The following SS18L2 variants were observed in gnomAD, a reference collection of about 807,000 sequenced individuals.
SS18L2 encodes the protein SS18 like 2, also known as SS18-like protein 2.
In SS18L2, 8 loss-of-function variants were observed where a neutral mutation model predicts 10.3. The observed-to-expected ratio is 0.78, with a 90% CI of 0.46 to 1.41. The LOEUF is 1.41. Ranked by LOEUF, SS18L2 falls within the 40% of genes most tolerant of loss-of-function variation. The pLI, the probability that SS18L2 is intolerant of heterozygous loss-of-function variation, is 0.00. For missense variants in SS18L2, 100 were observed against 96.2 expected (o/e 1.04, Z -0.17); for synonymous variants, 41 against 34.6 (o/e 1.19, Z -0.65).
At chr3:42,590,124 A>G (rs1559535942), upstream of SS18L2, among the ~76,000 whole-genome samples, 1 of 152,218 alleles carries the variant, frequency 6.6e-6, no homozygotes, top group Non-Finnish European at 1.5e-5. Flanking sequence ...TTCCTGCCCC[A>G]AATAAGTCCA....
Position 42,595,134 on chromosome 3 carries a change from A to G in SS18L2, c.*625A>G, listed in dbSNP as rs950963281. The G allele has an allele frequency of 6.6e-5, 10 of 152,186 alleles. No homozygotes were observed. Among genetic ancestry groups the G allele is most frequent in the African/African-American group, 2.2e-4 (9 of 41,468 alleles). The allele number at this position is 152,186 out of a possible 1,614,324, so 9.4% of individuals were successfully genotyped here. On this transcript the variant is annotated 3_prime_UTR_variant, in exon 3 of 3. Transcript: ENST00000011691. The stretch of plus-strand genomic sequence containing the variant: ...ACAAAATGAATAGTGATTTCTAATT[A>G]TTATCTAATATCATCTGATAATAGA...
upstream of SS18L2, among the ~76,000 whole-genome samples, chr3:42,589,407 G>C (rs549965098): frequency 3.5e-4 from 53 of 152,316 alleles, no homozygotes; most frequent in Non-Finnish European, 7.1e-4. Context: ...AAGCTCTAGG[G>C]ACCTCCCCTT....
intron 1 of SS18L2, among the ~76,000 whole-genome samples, chr3:42,582,781 T>C (rs1704466011): frequency 6.6e-6 from 1 of 152,084 alleles, no homozygotes; most frequent in African/African-American, 2.4e-5. Context: ...AGGAAGTGTG[T>C]TTCAGATGGA....
intron 1 of SS18L2, chr3:42,582,243 G>A (rs1553649599): frequency 6.6e-6 from 1 of 152,276 alleles, no homozygotes; most frequent in Non-Finnish European, 1.5e-5. Context: ...GAGGTGAGAA[G>A]GAGCCTTCGT....
At position 42,594,505 on chromosome 3, in the gene SS18L2, A is replaced by G. The variant is rs1386413613; in HGVS notation, c.230A>G (p.Glu77Gly). 10 of 1,612,718 alleles carry G rather than the reference A, an allele frequency of 6.2e-6. No individual in the cohort carries two copies. The highest frequency in any genetic ancestry group is 1.7e-4 in the Middle Eastern group (1 of 6,044). The change falls in exon 3 of 3, where the codon GAA becomes GGA. Residue 77 changes from glutamate to glycine, a missense_variant. By Grantham distance (98) the Glu-to-Gly change is moderately conservative. Coordinates refer to ENST00000011691, the MANE Select transcript of SS18L2 (RefSeq NM_001370300.1). ...CCAACCAGCACTTCAAAAGCAATGG[A>G]ATAATCTTTCAAAAGCAATAGAATA... ...ASPTSTSKAME is the reference protein window; with the variant it reads ...ASPTSTSKAMG
chr3:42,591,521 T>C lies in SS18L2; in HGVS notation c.70-4T>C. 1.2e-6 allele frequency: 2 copies of C among 1,612,728 alleles called. No homozygotes were observed. The highest frequency in any genetic ancestry group is 1.7e-6 in the Non-Finnish European group (2 of 1,178,758). On this transcript the variant is annotated splice_region_variant and splice_polypyrimidine_tract_variant and intron_variant, in intron 1 of 2. Coordinates refer to ENST00000011691, the MANE Select transcript of SS18L2 (RefSeq NM_001370300.1). ...ACTGACCCTTTCTTTCTCTGATCTT[T>C]CAGCTCCTTGAGGAGAATGACCAGC... is the stretch of plus-strand genomic sequence containing the variant.
chr3:42,593,432 T>A (rs998537133), intron 2 of SS18L2, among the ~76,000 whole-genome samples: 1 of 152,034 alleles, frequency 6.6e-6, no homozygotes, highest in Non-Finnish European at 1.5e-5. Flanking sequence ...ATAAATAAAT[T>A]AAAGTATATG....
At chr3:42,591,494 GCACTGA>G (rs778180424) in intron 1 of SS18L2, 25 bp from the exon 2 acceptor site, 1 of 1,569,716 alleles carries the variant, frequency 6.4e-7, no homozygotes, top group Non-Finnish European at 8.8e-7. Context: ...CGCCCGGCCT[GCACTGA>G]CCCTTTCTTT....
rs1704974386 is a variant in SS18L2, at chr3:42,594,643, T to A, written c.*134T>A. The A allele has an allele frequency of 4.5e-6, 3 of 670,840 alleles. No homozygotes were observed. The highest frequency in any genetic ancestry group is 3.6e-5 in the African/African-American group (2 of 55,538). 41.6% of individuals were successfully genotyped at this position (670,840 alleles called of 1,614,324 possible). ...AAAACATGAATGAAACCTCTGTGGC[T>A]CTTTCGAAACGTGAAAATGTGAAGA... On this transcript the variant is annotated 3_prime_UTR_variant, in exon 3 of 3. Coordinates refer to ENST00000011691, the MANE Select transcript of SS18L2 (RefSeq NM_001370300.1).
In SS18L2 at chr3:42,594,813, T is replaced by C. The variant is rs1359201378; in HGVS notation, c.*304T>C. The C allele has an allele frequency of 4.9e-6, 1 of 203,324 alleles. No homozygotes were observed. The highest frequency in any genetic ancestry group is 9.9e-6 in the Non-Finnish European group (1 of 100,676). 12.6% of individuals were successfully genotyped at this position (203,324 alleles called of 1,614,324 possible). Reference sequence around the variant, plus strand: ...ACATCACTGGGATGTTCAAGTCTACTTTTTAGTTTCAACCTGAAGAGGAAA... The same window carrying C: ...ACATCACTGGGATGTTCAAGTCTACCTTTTAGTTTCAACCTGAAGAGGAAA... On this transcript the variant is annotated 3_prime_UTR_variant, in exon 3 of 3. Coordinates refer to ENST00000011691, the MANE Select transcript of SS18L2 (RefSeq NM_001370300.1).
In SS18L2 at chr3:42,596,039, GTTTT is replaced by G. The variant is rs539975642; in HGVS notation, c.*1536_*1539del. Among the ~76,000 whole-genome samples, 24 of 149,500 alleles carry G rather than the reference GTTTT, an allele frequency of 1.6e-4. No individual in the cohort carries two copies. In the East Asian group the frequency reaches 4.1e-3, roughly 26 times the overall value. Reference sequence around the variant, plus strand: ...TTTGTTTTGTTTTGTTTTTGTTTTTGTTTTTTTTTGAGACGGAATCTCGCTCTGT... The same window carrying G: ...TTTGTTTTGTTTTGTTTTTGTTTTTGTTTTTGAGACGGAATCTCGCTCTGT... On this transcript the variant is annotated 3_prime_UTR_variant, in exon 3 of 3. Coordinates refer to ENST00000011691, the MANE Select transcript of SS18L2 (RefSeq NM_001370300.1).
intron 2 of SS18L2, among the ~76,000 whole-genome samples, chr3:42,593,852 G>C (rs538241302): frequency 3.9e-5 from 6 of 152,326 alleles, no homozygotes; most frequent in African/African-American, 1.4e-4. Context: ...GTAAGGCATA[G>C]TGAGATAAGT....
At chr3:42,591,021 G>A (rs898543199) in intron 1 of SS18L2, 55 bp downstream of exon 1, 1 of 1,538,030 alleles carries the variant, frequency 6.5e-7, no homozygotes, top group Middle Eastern at 2.3e-4. Context: ...ATCCCGAGGG[G>A]CTGCGGGGTG....
At chr3:42,583,928 C>T (rs932858423) in intron 1 of SS18L2, among the ~76,000 whole-genome samples, 7 of 152,178 alleles carry the variant, frequency 4.6e-5, no homozygotes, top group East Asian at 1.9e-4. Context: ...CAGGTTCTCC[C>T]GGCTTGGGCC....
intron 1 of SS18L2, chr3:42,591,321 C>T: frequency 1.7e-6 from 1 of 596,080 alleles, no homozygotes; most frequent in Non-Finnish European, 3.0e-6. Flanking sequence ...GCCTCAGCCT[C>T]CTGAGTAGCT....
chr3:42,589,315 G>A (rs745964367), upstream of SS18L2, among the ~76,000 whole-genome samples: 1 of 152,134 alleles, frequency 6.6e-6, no homozygotes. Context: ...CTTTTCACAG[G>A]TTTGAATAAA....
chr3:42,591,347 C>T (rs1447245975), intron 1 of SS18L2, 178 bp from the exon 2 acceptor site: 3 of 603,238 alleles, frequency 5.0e-6, no homozygotes, highest in Non-Finnish European at 8.9e-6. Context: ...TACAGGAGCG[C>T]GACGCCACTC....
intron 2 of SS18L2, 27 bp from the exon 3 acceptor site, chr3:42,594,395 G>T: frequency 6.3e-7 from 1 of 1,588,530 alleles, no homozygotes; most frequent in South Asian, 1.1e-5. Context: ...ACAAGCCTCT[G>T]ATTTTTGCCT....
chr3:42,593,402 G>A (rs1314915242), intron 2 of SS18L2, among the ~76,000 whole-genome samples: 3 of 152,174 alleles, frequency 2.0e-5, no homozygotes, highest in African/African-American at 7.2e-5. Context: ...GGGTGACAGA[G>A]CAAGACTCCG....
Sources: allele counts gnomAD v4.1 joint callset (sites outside exome capture counted in the v4.1 genomes callset), GRCh38; gene constraint gnomAD v4.1.1; transcripts MANE v1.5; gene names NCBI Gene and HGNC (gene_info 2026-07-23, HGNC 2026-07-21).